RORB: variants seen among roughly 807,000 people sequenced by gnomAD.
RORB encodes nuclear receptor ROR-beta.
In RORB, 6 loss-of-function variants were observed where a neutral mutation model predicts 59.1. The ratio of observed to expected loss-of-function variants is 0.10; its 90% CI spans 0.06 to 0.20. The LOEUF is 0.20. Ranked by LOEUF, RORB falls within the 10% of genes least tolerant of loss-of-function variation. The pLI is 1.00. For synonymous variants in RORB, 215 were observed against 204.5 expected, an observed-to-expected ratio of 1.05 and a Z score of -0.44; for missense variants, 320 against 560.5, an observed-to-expected ratio of 0.57 and a Z score of 4.33.
chr9:74,502,824 C>A (rs1825820336), intron 1 of RORB, among the ~76,000 whole-genome samples: 1 of 152,026 alleles, frequency 6.6e-6, no homozygotes, highest in South Asian at 2.1e-4. Flanking sequence ...AATTGAAACA[C>A]ATCAAAGGTT....
At chr9:74,620,759 T>G (rs1433246716) in intron 1 of RORB, among the ~76,000 whole-genome samples, 1 of 152,226 alleles carries the variant, frequency 6.6e-6, no homozygotes, top group Non-Finnish European at 1.5e-5. Flanking sequence ...TTGTTCTCAT[T>G]GGTTTCAAAG....
intron 6 of RORB, among the ~76,000 whole-genome samples, chr9:74,664,521 ATG>A (rs1051393009): frequency 6.6e-6 from 1 of 152,230 alleles, no homozygotes; most frequent in African/African-American, 2.4e-5. Flanking sequence ...TAAAAAATGA[ATG>A]TAAGAGGCCA....
rs191607339 is a variant in RORB, at chr9:74,622,756, A to C, written c.8-7526A>C. On this transcript the variant is annotated intron_variant, in intron 1 of 9. Transcript: ENST00000376896. Reference sequence around the variant, plus strand: ...TGGCCAGGATGGTCTCGATCTCTTAACCTGGTAATCCACCCGCCTCAGCCT... The same window carrying C: ...TGGCCAGGATGGTCTCGATCTCTTACCCTGGTAATCCACCCGCCTCAGCCT... Among the ~76,000 whole-genome samples the C allele has an allele frequency of 6.1e-4, 93 of 151,744 alleles. No homozygotes were observed. The East Asian group carries it at 0.017, about 27-fold the overall frequency.
intron 1 of RORB, among the ~76,000 whole-genome samples, chr9:74,601,801 G>T (rs939984139): frequency 1.3e-5 from 2 of 152,160 alleles, no homozygotes; most frequent in Non-Finnish European, 2.9e-5. Flanking sequence ...ATCACTGGTT[G>T]TATTTTAGGG....
At chr9:74,601,207 A>T (rs1038445239) in intron 1 of RORB, among the ~76,000 whole-genome samples, 1 of 151,986 alleles carries the variant, frequency 6.6e-6, no homozygotes, top group Non-Finnish European at 1.5e-5. Flanking sequence ...AGTAGGAAAA[A>T]GAAGCTTAGA....
chr9:74,514,320 T>G (rs1825980592), intron 1 of RORB, among the ~76,000 whole-genome samples: 1 of 152,046 alleles, frequency 6.6e-6, no homozygotes, highest in Non-Finnish European at 1.5e-5. Context: ...AAGCCCCAAA[T>G]AGTAAATATT....
chr9:74,535,544 C>T (rs1335293722), intron 1 of RORB, among the ~76,000 whole-genome samples: 1 of 151,764 alleles, frequency 6.6e-6, no homozygotes, highest in Non-Finnish European at 1.5e-5. Context: ...TACCGCCCCC[C>T]CACCCACACA....
chr9:74,599,708 T>A (rs1385170843), intron 1 of RORB, among the ~76,000 whole-genome samples: 2 of 152,196 alleles, frequency 1.3e-5, no homozygotes, highest in African/African-American at 4.8e-5. Flanking sequence ...TAAGGTTCAA[T>A]GACGTGCCCA....
intron 1 of RORB, among the ~76,000 whole-genome samples, chr9:74,627,031 A>T (rs555915354): frequency 1.3e-5 from 2 of 151,990 alleles, no homozygotes; most frequent in African/African-American, 2.4e-5. Flanking sequence ...GCATGGTGGC[A>T]CACACCGGTA....
At chr9:74,619,769 G>A (rs554284117) in intron 1 of RORB, among the ~76,000 whole-genome samples, 17 of 151,960 alleles carry the variant, frequency 1.1e-4, no homozygotes, top group Admixed American at 2.6e-4. Flanking sequence ...GAATTTTGTC[G>A]AAGACCTTTT....
In RORB at chr9:74,559,649, CCTT is replaced by C. The variant is rs1563937497; in HGVS notation, c.7+61667_7+61669del. ...TGGATTTTTATACACAAAGACAGGA[CCTT>C]TGGACTTTAAAGATCACTCAGGCTA... On this transcript the variant is annotated intron_variant, in intron 1 of 9. Transcript: ENST00000376896. Among the ~76,000 whole-genome samples, 7 of 152,126 alleles carry C rather than the reference CCTT, an allele frequency of 4.6e-5. No homozygotes were observed. In the South Asian group the frequency reaches 1.0e-3, roughly 23 times the overall value.
rs150868923 is a variant in RORB, at chr9:74,619,491, G to C, written c.8-10791G>C. On this transcript the variant is annotated intron_variant, in intron 1 of 9. Coordinates refer to ENST00000376896, the MANE Select transcript of RORB (RefSeq NM_006914.4). ...TTTTGAGTTGGAGTCTTACTCTGTCGCCCAGGCTGGAGTGCAGTGGCGCGA... is the reference window on the plus strand; with the variant it reads ...TTTTGAGTTGGAGTCTTACTCTGTCCCCCAGGCTGGAGTGCAGTGGCGCGA... Among the ~76,000 whole-genome samples the C allele has an allele frequency of 1.8e-3, 278 of 152,184 alleles. 2 individuals carry two copies. Among genetic ancestry groups the C allele is most frequent in the African/African-American group, 6.3e-3 (261 of 41,504 alleles).
chr9:74,589,209 C>T (rs568457921), intron 1 of RORB, among the ~76,000 whole-genome samples: 1 of 152,078 alleles, frequency 6.6e-6, no homozygotes, highest in African/African-American at 2.4e-5. Flanking sequence ...TGCAAATAGA[C>T]AGGAAAGACA....
intron 3 of RORB, 46 bp from the exon 4 acceptor site, chr9:74,642,368 G>A (rs1051194714): frequency 7.1e-6 from 11 of 1,552,060 alleles, no homozygotes; most frequent in Middle Eastern, 1.8e-4. Flanking sequence ...TGGTTAACGC[G>A]AATGATAACC....
intron 1 of RORB, among the ~76,000 whole-genome samples, chr9:74,578,805 C>G (rs1222339003): frequency 6.6e-6 from 1 of 152,090 alleles, no homozygotes; most frequent in Non-Finnish European, 1.5e-5. Context: ...TACTGGGGTT[C>G]TATCTTTCCT....
intron 1 of RORB, among the ~76,000 whole-genome samples, chr9:74,515,567 C>T (rs10746958): frequency 0.76 from 115,369 of 151,898 alleles, 44,073 homozygotes; most frequent in East Asian, 0.91. Context: ...TTGAAGATTC[C>T]TCCAAGAATC....
chr9:74,521,958 T>C (rs189003628), intron 1 of RORB, among the ~76,000 whole-genome samples: 20 of 151,910 alleles, frequency 1.3e-4, no homozygotes, highest in Non-Finnish European at 5.9e-5. Flanking sequence ...TTTTATCCTA[T>C]ACTAATTTCT....
chr9:74,626,802 G>A (rs1184237586), intron 1 of RORB, among the ~76,000 whole-genome samples: 1 of 152,224 alleles, frequency 6.6e-6, no homozygotes, highest in Non-Finnish European at 1.5e-5. Flanking sequence ...GGCAGGCATT[G>A]GAGAAATAAT....
chr9:74,608,266 G>C (rs1319777848), intron 1 of RORB, among the ~76,000 whole-genome samples: 2 of 152,054 alleles, frequency 1.3e-5, no homozygotes, highest in African/African-American at 4.8e-5. Context: ...CTAACAATAA[G>C]AAAATTGCTA....
Sources: allele counts gnomAD v4.1 joint callset (sites outside exome capture counted in the v4.1 genomes callset), GRCh38; gene constraint gnomAD v4.1.1; transcripts MANE v1.5; gene names NCBI Gene and HGNC (gene_info 2026-07-23, HGNC 2026-07-21).